Variants in MAML3 observed in about 807,000 individuals in gnomAD.
The protein encoded by MAML3 is mastermind like transcriptional coactivator 3.
In MAML3, 27 loss-of-function variants were observed where a neutral mutation model predicts 101.9. The observed-to-expected ratio is 0.27, with a 90% CI of 0.20 to 0.37. MAML3 has a LOEUF of 0.37. Ranked by LOEUF, MAML3 falls within the 10% of genes least tolerant of loss-of-function variation. The pLI is 1.00. For missense variants in MAML3, 1,316 were observed against 1,444.9 expected, an observed-to-expected ratio of 0.91 and a Z score of 1.45; for synonymous variants, 501 against 555.9, an observed-to-expected ratio of 0.90 and a Z score of 1.39.
At chr4:139,759,134 C>T (rs1394883353) in intron 2 of MAML3, among the ~76,000 whole-genome samples, 1 of 152,172 alleles carries the variant, frequency 6.6e-6, no homozygotes, top group Non-Finnish European at 1.5e-5. Context: ...CCCTGATGTT[C>T]AAACTGACAT....
At chr4:140,119,709 A>G (rs1466348516) in intron 1 of MAML3, among the ~76,000 whole-genome samples, 1 of 149,892 alleles carries the variant, frequency 6.7e-6, no homozygotes, top group Non-Finnish European at 1.5e-5. Flanking sequence ...GCAGCCTCCA[A>G]CTGCTGGGCT....
chr4:140,003,726 C>T (rs1726382755), intron 1 of MAML3, among the ~76,000 whole-genome samples: 1 of 152,280 alleles, frequency 6.6e-6, no homozygotes, highest in South Asian at 2.1e-4. Context: ...TGAAAGAGCA[C>T]CAGATTCAAG....
At chr4:139,956,634 A>C (rs1470463485) in intron 1 of MAML3, among the ~76,000 whole-genome samples, 1 of 152,182 alleles carries the variant, frequency 6.6e-6, no homozygotes, top group Non-Finnish European at 1.5e-5. Flanking sequence ...AGGAACAGAG[A>C]GATTGGGCAT....
chr4:140,068,296 C>A (rs1422725114), intron 1 of MAML3, among the ~76,000 whole-genome samples: 1 of 152,176 alleles, frequency 6.6e-6, no homozygotes, highest in Non-Finnish European at 1.5e-5. Flanking sequence ...ACTCTCCCAT[C>A]AACCTGAGCA....
intron 1 of MAML3, among the ~76,000 whole-genome samples, chr4:140,076,266 A>C (rs772126793): frequency 3.9e-5 from 6 of 152,170 alleles, no homozygotes; most frequent in Non-Finnish European, 7.3e-5. Flanking sequence ...ATCAAATAAG[A>C]TATTATGGGG....
chr4:139,761,186 C>T (rs1729750599), intron 2 of MAML3, among the ~76,000 whole-genome samples: 2 of 152,310 alleles, frequency 1.3e-5, no homozygotes, highest in South Asian at 2.1e-4. Context: ...TCTTGAACTC[C>T]TGACCTCAGG....
chr4:140,101,077 C>T (rs1324567180), intron 1 of MAML3, among the ~76,000 whole-genome samples: 1 of 152,068 alleles, frequency 6.6e-6, no homozygotes, highest in African/African-American at 2.4e-5. Context: ...ATTGGATCCT[C>T]CAGATCAGAG....
chr4:140,023,132 C>A (rs1726758240), intron 1 of MAML3, among the ~76,000 whole-genome samples: 1 of 152,140 alleles, frequency 6.6e-6, no homozygotes, highest in Non-Finnish European at 1.5e-5. Context: ...TCCTTTTTAC[C>A]TAACCCCTAT....
At chr4:139,807,834 A>T (rs1451372794) in intron 2 of MAML3, among the ~76,000 whole-genome samples, 1 of 152,238 alleles carries the variant, frequency 6.6e-6, no homozygotes, top group Non-Finnish European at 1.5e-5. Context: ...TCCAATTGTT[A>T]GCTTGACAAA....
intron 2 of MAML3, among the ~76,000 whole-genome samples, chr4:139,755,903 G>T (rs1209912370): frequency 1.3e-5 from 2 of 152,258 alleles, no homozygotes; most frequent in East Asian, 3.9e-4. Context: ...GAACACTGTG[G>T]GGTCCAAAGT....
At chr4:140,152,167 G>T (rs547218916) in intron 1 of MAML3, among the ~76,000 whole-genome samples, 221 of 152,216 alleles carry the variant, frequency 1.5e-3, no homozygotes, top group Non-Finnish European at 2.2e-3. Flanking sequence ...AGCAAAGAGC[G>T]GAGCGCACCC....
At position 140,119,035 on chromosome 4, in the gene MAML3, A is replaced by G. The variant is rs1728559842; in HGVS notation, c.468+33825T>C. ...GGTAGTAAGCAGCAGCTTCAGTCAAAGCTAGCTTCAATACATACATTAACA... is the reference window on the plus strand; with the variant it reads ...GGTAGTAAGCAGCAGCTTCAGTCAAGGCTAGCTTCAATACATACATTAACA... On this transcript the variant is annotated intron_variant, in intron 1 of 4. Coordinates refer to ENST00000509479, the MANE Select transcript of MAML3 (RefSeq NM_018717.5). Among the ~76,000 whole-genome samples, 3 of 152,196 alleles carry G rather than the reference A, an allele frequency of 2.0e-5. No homozygotes were observed. The South Asian group carries it at 6.2e-4, about 32-fold the overall frequency.
At chr4:139,768,741 G>A (rs1729914496) in intron 2 of MAML3, among the ~76,000 whole-genome samples, 1 of 152,234 alleles carries the variant, frequency 6.6e-6, no homozygotes, top group African/African-American at 2.4e-5. Flanking sequence ...ACCCCATGGT[G>A]CTGGCTGATG....
chr4:140,051,792 C>T (rs75049434), intron 1 of MAML3, among the ~76,000 whole-genome samples: 3,965 of 152,228 alleles, frequency 0.026, 83 homozygotes, highest in Non-Finnish European at 0.042. Context: ...TTCTCATTTT[C>T]CCACTGAGAA....
chr4:140,023,184 G>C (rs17005447), intron 1 of MAML3, among the ~76,000 whole-genome samples: 8,332 of 152,176 alleles, frequency 0.055, 676 homozygotes, highest in African/African-American at 0.18. Flanking sequence ...TCTGAACCAG[G>C]AAGAGAGCAA....
chr4:139,725,856 A>G (rs1466968811), intron 3 of MAML3, 21 bp from the exon 4 acceptor site: 1 of 1,602,088 alleles, frequency 6.2e-7, no homozygotes, highest in East Asian at 2.2e-5. Flanking sequence ...AGAACACAAG[A>G]GGGGTGGAGA....
intron 1 of MAML3, among the ~76,000 whole-genome samples, chr4:139,968,393 A>T (rs1214741682): frequency 2.0e-5 from 3 of 152,020 alleles, no homozygotes; most frequent in Non-Finnish European, 4.4e-5. Flanking sequence ...TTTGCAATTG[A>T]AGTTAAACAA....
intron 2 of MAML3, among the ~76,000 whole-genome samples, chr4:139,778,549 T>C (rs76182145): frequency 6.6e-6 from 1 of 152,232 alleles, no homozygotes; most frequent in Non-Finnish European, 1.5e-5. Flanking sequence ...CCTGTCAGGA[T>C]GAATTGAAGT....
At chr4:140,053,902 ACAT>A (rs1191570258) in intron 1 of MAML3, among the ~76,000 whole-genome samples, 1 of 152,184 alleles carries the variant, frequency 6.6e-6, no homozygotes, top group Non-Finnish European at 1.5e-5. Flanking sequence ...GCCATACAAA[ACAT>A]CAGGCAGGCT....
Sources: allele counts gnomAD v4.1 joint callset (sites outside exome capture counted in the v4.1 genomes callset), GRCh38; gene constraint gnomAD v4.1.1; transcripts MANE v1.5; gene names NCBI Gene and HGNC (gene_info 2026-07-23, HGNC 2026-07-21).